OVCH1: variants seen among roughly 807,000 people sequenced by gnomAD.
OVCH1 encodes the protein ovochymase 1, also known as ovochymase-1.
In OVCH1, 139 loss-of-function variants were observed where a neutral mutation model predicts 138.4. That is an observed-to-expected ratio of 1.00 (90% CI 0.87 to 1.16). OVCH1 has a LOEUF of 1.16. Ranked by LOEUF, OVCH1 falls within the 50% of genes most tolerant of loss-of-function variation. The probability of loss-of-function intolerance (pLI) is 0.00; values close to 1 mark genes in which losing one functional copy is unlikely to be tolerated. For synonymous variants in OVCH1, 453 were observed against 467.8 expected, an observed-to-expected ratio of 0.97 and a Z score of 0.41; for missense variants, 1,367 against 1,357.9, an observed-to-expected ratio of 1.01 and a Z score of -0.11.
chr12:29,453,652 A>G (rs1220476891), intron 21 of OVCH1, among the ~76,000 whole-genome samples: 2 of 152,028 alleles, frequency 1.3e-5, no homozygotes, highest in Non-Finnish European at 2.9e-5. Flanking sequence ...CAAATCTCTC[A>G]TCCTTATTTC....
In OVCH1 at chr12:29,445,522, A is replaced by G; in HGVS notation, c.2756-119T>C. On this transcript the variant is annotated intron_variant, in intron 22 of 27. Transcript: ENST00000318184. ...GTAGGAATTGATTCCATTCTGTAAA[A>G]TGATGAAACAGGACTCCAGAACATA... 5 of 1,026,750 alleles carry G rather than the reference A, an allele frequency of 4.9e-6. No individual in the cohort carries two copies. In the South Asian group the frequency reaches 8.4e-5, roughly 17 times the overall value. The allele number at this position is 1,026,750 out of a possible 1,614,324, so 63.6% of individuals were successfully genotyped here. A position where few individuals can be genotyped will look rare whatever the true frequency, so the allele number is the denominator to read the frequency against.
At chr12:29,409,626 G>GTTTC (rs1010379035), downstream of OVCH1, among the ~76,000 whole-genome samples, 2 of 152,152 alleles carry the variant, frequency 1.3e-5, no homozygotes, top group African/African-American at 4.8e-5. Context: ...TTTTGAGTGA[G>GTTTC]TTTCTTAATC....
At chr12:29,461,250 T>G (rs747180330) in intron 19 of OVCH1, among the ~76,000 whole-genome samples, 1 of 152,192 alleles carries the variant, frequency 6.6e-6, no homozygotes, top group Non-Finnish European at 1.5e-5. Context: ...CACGGAGTGT[T>G]AGGAAGTCTT....
Position 29,495,422 on chromosome 12 carries a change from T to TC in OVCH1, c.316dup (p.Glu106GlyfsTer9). The TC allele has an allele frequency of 1.2e-6, 2 of 1,613,264 alleles. No homozygotes were observed. The highest frequency in any genetic ancestry group is 1.7e-6 in the Non-Finnish European group (2 of 1,179,594). ...CTTATCCTTCTGAAAGAGGCTGTACTCCCCAGAAGTCACAGTTATATTCTT... is the reference window on the plus strand; with the variant it reads ...CTTATCCTTCTGAAAGAGGCTGTACTCCCCCAGAAGTCACAGTTATATTCTT... On this transcript the variant is annotated frameshift_variant, in exon 4 of 28. Transcript: ENST00000318184. LOFTEE classifies it high-confidence loss of function.
exon 4 of OVCH1, chr12:29,495,352 T>C: frequency 6.2e-7 from 1 of 1,613,352 alleles, no homozygotes; most frequent in Non-Finnish European, 8.5e-7. Context: ...GGCTGTTGTA[T>C]TCAGGATGGG....
downstream of OVCH1, among the ~76,000 whole-genome samples, chr12:29,423,772 A>G (rs1357158953): frequency 1.3e-5 from 2 of 152,224 alleles, no homozygotes; most frequent in African/African-American, 4.8e-5. Flanking sequence ...CTTCATGATA[A>G]CGGTATCTCA....
intron 5 of OVCH1, among the ~76,000 whole-genome samples, chr12:29,490,001 C>T (rs974885854): frequency 6.6e-6 from 1 of 152,084 alleles, no homozygotes; most frequent in African/African-American, 2.4e-5. Flanking sequence ...ATTGTGGCTG[C>T]TCTAAACAAA....
intron 12 of OVCH1, among the ~76,000 whole-genome samples, chr12:29,476,666 A>G (rs545709914): frequency 8.5e-5 from 13 of 152,140 alleles, no homozygotes; most frequent in African/African-American, 3.1e-4. Flanking sequence ...TGCAGTTATT[A>G]AGAAGAGCTC....
chr12:29,425,889 A>T (rs757014248), downstream of OVCH1: 1 of 152,156 alleles, frequency 6.6e-6, no homozygotes, highest in Non-Finnish European at 1.5e-5. Context: ...TCTCCAAGGT[A>T]AACATGCCCA....
chr12:29,419,614 A>T (rs1388184073), intron 3 of OVCH1, among the ~76,000 whole-genome samples: 1 of 152,068 alleles, frequency 6.6e-6, no homozygotes, highest in Admixed American at 6.6e-5. Flanking sequence ...GATTTTTAAG[A>T]TGCATGATGC....
chr12:29,493,663 A>C (rs1487947442), intron 4 of OVCH1, among the ~76,000 whole-genome samples: 1 of 152,176 alleles, frequency 6.6e-6, no homozygotes, highest in Non-Finnish European at 1.5e-5. Flanking sequence ...TTACATTTTT[A>C]TATTTTCATG....
At chr12:29,415,586 T>A (rs982496258) in intron 3 of OVCH1, among the ~76,000 whole-genome samples, 1 of 152,132 alleles carries the variant, frequency 6.6e-6, no homozygotes, top group Admixed American at 6.5e-5. Context: ...AATACTTAGG[T>A]ATACACTTAG....
intron 27 of OVCH1, chr12:29,430,761 C>A: frequency 3.2e-6 from 1 of 309,568 alleles, no homozygotes; most frequent in Non-Finnish European, 6.6e-6. Context: ...TCAAGTATGG[C>A]TTTCCTTCTA....
At chr12:29,451,127 G>A (rs926807621) in intron 22 of OVCH1, among the ~76,000 whole-genome samples, 3 of 151,774 alleles carry the variant, frequency 2.0e-5, no homozygotes, top group Non-Finnish European at 4.4e-5. Flanking sequence ...TAACAAACCT[G>A]CATGTTCTGC....
intron 18 of OVCH1, among the ~76,000 whole-genome samples, chr12:29,463,269 G>C (rs1833985093): frequency 6.6e-6 from 1 of 152,176 alleles, no homozygotes; most frequent in Non-Finnish European, 1.5e-5. Flanking sequence ...TGTGATGGGA[G>C]GCCCGTCCTG....
intron 3 of OVCH1, among the ~76,000 whole-genome samples, chr12:29,419,585 C>T (rs1295502677): frequency 2.0e-5 from 3 of 151,940 alleles, no homozygotes; most frequent in Admixed American, 6.6e-5. Context: ...TGAGCCACTG[C>T]GCCTGGCCAA....
At chr12:29,483,074 A>T (rs550090754) in intron 8 of OVCH1, among the ~76,000 whole-genome samples, 1 of 152,296 alleles carries the variant, frequency 6.6e-6, no homozygotes, top group South Asian at 2.1e-4. Flanking sequence ...AGCCTCTAAG[A>T]TAAATCAAGA....
chr12:29,463,556 A>G (rs944419627), intron 18 of OVCH1, among the ~76,000 whole-genome samples: 8 of 152,162 alleles, frequency 5.3e-5, no homozygotes, highest in African/African-American at 1.7e-4. Context: ...AGAAGTTCAG[A>G]TTTGATTGTA....
chr12:29,426,408 C>T (rs761100088), downstream of OVCH1, among the ~76,000 whole-genome samples: 6 of 152,172 alleles, frequency 3.9e-5, no homozygotes, highest in Non-Finnish European at 5.9e-5. Flanking sequence ...AGAAGATAGA[C>T]GATGTAGGAG....
Sources: allele counts gnomAD v4.1 joint callset (sites outside exome capture counted in the v4.1 genomes callset), GRCh38; gene constraint gnomAD v4.1.1; transcripts MANE v1.5; gene names NCBI Gene and HGNC (gene_info 2026-07-23, HGNC 2026-07-21).